Variants in MYL1 observed in about 807,000 individuals in gnomAD.
The protein encoded by MYL1 is myosin light chain 1.
In MYL1, 16 loss-of-function variants were observed where a neutral mutation model predicts 21.8. The ratio of observed to expected loss-of-function variants is 0.74; its 90% confidence interval spans 0.50 to 1.12. MYL1 has a LOEUF of 1.12. Among genes scored for constraint, MYL1 ranks in the 50% most tolerant of loss-of-function variants. MYL1 has a pLI of 0.00. For synonymous variants in MYL1, 99 were observed against 85.2 expected, an observed-to-expected ratio of 1.16 and a Z score of -0.89; for missense variants, 246 against 241.0, an observed-to-expected ratio of 1.02 and a Z score of -0.14.
intron 2 of MYL1, among the ~76,000 whole-genome samples, chr2:210,299,855 T>C (rs1306288628): frequency 6.6e-6 from 1 of 152,162 alleles, no homozygotes; most frequent in Non-Finnish European, 1.5e-5. Flanking sequence ...TTTTTTAGGC[T>C]ATCAGTGGTT....
At chr2:210,312,021 A>C (rs954153601) in intron 1 of MYL1, among the ~76,000 whole-genome samples, 3 of 152,056 alleles carry the variant, frequency 2.0e-5, no homozygotes, top group Non-Finnish European at 4.4e-5. Context: ...ATAACTAACA[A>C]ACCAGGAAAT....
intron 1 of MYL1, among the ~76,000 whole-genome samples, chr2:210,306,427 C>CTAATGACTTGG (rs1690343126): frequency 6.6e-6 from 1 of 151,476 alleles, no homozygotes; most frequent in East Asian, 1.9e-4. Context: ...TAAGCTATTT[C>CTAATGACTTGG]TAATGACTTG....
chr2:210,296,675 A>G (rs1040138222), intron 3 of MYL1, among the ~76,000 whole-genome samples: 1 of 152,110 alleles, frequency 6.6e-6, no homozygotes, highest in African/African-American at 2.4e-5. Context: ...GCACATCTGT[A>G]GTCTTAGTTA....
intron 3 of MYL1, among the ~76,000 whole-genome samples, chr2:210,297,210 T>C (rs1462310369): frequency 1.3e-5 from 2 of 151,932 alleles, no homozygotes; most frequent in African/African-American, 2.4e-5. Flanking sequence ...TGCTGGATCA[T>C]ATAATAGTTC....
chr2:210,293,530 C>G (rs1690114558), intron 5 of MYL1, among the ~76,000 whole-genome samples, 193 bp downstream of exon 5: 1 of 152,156 alleles, frequency 6.6e-6, no homozygotes, highest in Admixed American at 6.5e-5. Context: ...TAAAACAATG[C>G]ACAGTATTGC....
chr2:210,297,595 T>C (rs1314949578), intron 3 of MYL1, among the ~76,000 whole-genome samples: 1 of 152,000 alleles, frequency 6.6e-6, no homozygotes, highest in Non-Finnish European at 1.5e-5. Flanking sequence ...AAATGTGTCT[T>C]GTCTTTTTTG....
intron 1 of MYL1, among the ~76,000 whole-genome samples, 166 bp downstream of exon 1, chr2:210,314,745 A>T (rs115863744): frequency 0.01 from 1,552 of 152,358 alleles, 29 homozygotes; most frequent in African/African-American, 0.035. Context: ...TTTTGAAATT[A>T]TATGCTGGCA....
At chr2:210,309,389 T>C (rs1193122930) in intron 1 of MYL1, among the ~76,000 whole-genome samples, 2 of 152,062 alleles carry the variant, frequency 1.3e-5, no homozygotes, top group Non-Finnish European at 2.9e-5. Context: ...AGGAAGAGTA[T>C]AAAGTTGATA....
chr2:210,306,703 T>G (rs1048104818), intron 1 of MYL1, among the ~76,000 whole-genome samples: 2 of 151,910 alleles, frequency 1.3e-5, no homozygotes, highest in African/African-American at 2.4e-5. Flanking sequence ...GAAATCCAAT[T>G]TTTTTCCTCT....
chr2:210,310,524 C>A (rs1181986631), intron 1 of MYL1, among the ~76,000 whole-genome samples: 1 of 152,046 alleles, frequency 6.6e-6, no homozygotes, highest in Non-Finnish European at 1.5e-5. Context: ...TAAAAAAACT[C>A]AGTTTCATTA....
At chr2:210,302,187 T>C (rs1690273647) in intron 2 of MYL1, among the ~76,000 whole-genome samples, 1 of 151,510 alleles carries the variant, frequency 6.6e-6, no homozygotes, top group Non-Finnish European at 1.5e-5. Flanking sequence ...CTTTTTGGGA[T>C]ATATATATAT....
At chr2:210,298,884 G>A (rs1690221122) in intron 2 of MYL1, among the ~76,000 whole-genome samples, 1 of 152,050 alleles carries the variant, frequency 6.6e-6, no homozygotes, top group Non-Finnish European at 1.5e-5. Flanking sequence ...AAATTCTAAG[G>A]CCTTGAGAAA....
intron 2 of MYL1, among the ~76,000 whole-genome samples, chr2:210,301,094 T>A (rs968374710): frequency 6.6e-6 from 1 of 152,120 alleles, no homozygotes; most frequent in African/African-American, 2.4e-5. Flanking sequence ...AGTCTTCCAT[T>A]GCTTGATCCT....
Position 210,312,743 on chromosome 2 carries a change from T to C in MYL1, c.132+2168A>G, listed in dbSNP as rs1690433979. 2.0e-5 allele frequency among the ~76,000 whole-genome samples: 3 copies of C among 152,028 alleles called. No individual in the cohort carries two copies. The South Asian group carries it at 6.2e-4, about 32-fold the overall frequency. On this transcript the variant is annotated intron_variant, in intron 1 of 6. Coordinates refer to ENST00000352451, the MANE Select transcript of MYL1 (RefSeq NM_079420.3). ...GATAAAGGTTATTTTTTTTCCTGTT[T>C]CTTCCAGATTCATTTAACTTCTTTT...
chr2:210,310,949 T>C (rs1421586934), intron 1 of MYL1, among the ~76,000 whole-genome samples: 1 of 152,090 alleles, frequency 6.6e-6, no homozygotes, highest in African/African-American at 2.4e-5. Context: ...AGTTAAACCC[T>C]AGGTCCATCA....
intron 1 of MYL1, among the ~76,000 whole-genome samples, chr2:210,306,746 T>C (rs1306096719): frequency 6.6e-6 from 1 of 152,024 alleles, no homozygotes; most frequent in East Asian, 1.9e-4. Context: ...AGATGGAGTT[T>C]CGCTCTTGTT....
In MYL1 at chr2:210,293,630, T is replaced by C. The variant is rs1413173758; in HGVS notation, c.556+93A>G. ...CAATTGATTGTCATATGTATGTCAATAAGGAAGGAAGAGGAAAAGAAGCTC... is the reference window on the plus strand; with the variant it reads ...CAATTGATTGTCATATGTATGTCAACAAGGAAGGAAGAGGAAAAGAAGCTC... On this transcript the variant is annotated intron_variant, in intron 5 of 6. Coordinates refer to ENST00000352451, the MANE Select transcript of MYL1 (RefSeq NM_079420.3). 13 of 976,844 alleles carry C rather than the reference T, an allele frequency of 1.3e-5. No individual in the cohort carries two copies. The African/African-American group carries it at 2.0e-4, about 15-fold the overall frequency. 60.5% of individuals were successfully genotyped at this position (976,844 alleles called of 1,614,324 possible).
intron 3 of MYL1, among the ~76,000 whole-genome samples, chr2:210,295,702 C>T (rs1690162936): frequency 6.6e-6 from 1 of 150,594 alleles, no homozygotes; most frequent in Non-Finnish European, 1.5e-5. Context: ...TGGCTCACGC[C>T]TATAATCCCA....
chr2:210,298,497 C>T lies in MYL1; in HGVS notation c.227G>A (p.Gly76Asp), dbSNP rs1350412735. 6.2e-7 allele frequency: 1 copy of T among 1,613,952 alleles called. No homozygotes were observed. Among genetic ancestry groups the T allele is most frequent in the African/African-American group, 1.3e-5 (1 of 74,914 alleles). The change falls in exon 3 of 7, where the codon GGT (glycine) becomes GAT (aspartate). Residue 76 changes from glycine to aspartate, a missense_variant. Physicochemically the swap from Gly to Asp is moderately conservative, Grantham distance 94 (BLOSUM62 -1). Transcript: ENST00000352451. ...TGTGCCCAGAGCTCGAAGGACATCA[C>T]CGACCTGGCTTAAGGTGATCTTGGA... is the stretch of plus-strand genomic sequence containing the variant. ...GDSKITLSQV[G>D]DVLRALGTNP... is the part of the protein sequence containing the mutation.
Sources: allele counts gnomAD v4.1 joint callset (sites outside exome capture counted in the v4.1 genomes callset), GRCh38; gene constraint gnomAD v4.1.1; transcripts MANE v1.5; gene names NCBI Gene and HGNC (gene_info 2026-07-23, HGNC 2026-07-21).